CCDC171: variants seen among roughly 807,000 people sequenced by gnomAD.
CCDC171 encodes coiled-coil domain containing 171, also known as coiled-coil domain-containing protein 171.
CCDC171 carries 177 observed loss-of-function variants against 168.2 expected under a neutral mutation model. The ratio of observed to expected loss-of-function variants is 1.05; its 90% CI spans 0.93 to 1.19. CCDC171 has a LOEUF of 1.19. CCDC171 is among the 50% of genes most tolerant of loss of function. CCDC171 has a pLI of 0.00. For missense variants in CCDC171, 1,991 were observed against 1,539.0 expected (o/e 1.29, Z -4.91); for synonymous variants, 687 against 540.8 (o/e 1.27, Z -3.75).
intron 6 of CCDC171, among the ~76,000 whole-genome samples, chr9:15,622,514 A>G (rs1440059976): frequency 6.6e-6 from 1 of 152,206 alleles, no homozygotes; most frequent in Non-Finnish European, 1.5e-5. Flanking sequence ...TCCATGAATA[A>G]CATTACTGTG....
At chr9:15,834,322 C>T (rs1280070786) in intron 21 of CCDC171, among the ~76,000 whole-genome samples, 1 of 152,110 alleles carries the variant, frequency 6.6e-6, no homozygotes, top group Admixed American at 6.5e-5. Flanking sequence ...ATATTTCTAG[C>T]ATGATTAAGT....
chr9:15,830,429 A>T lies in CCDC171; in HGVS notation c.3268-16273A>T, dbSNP rs925808178. On this transcript the variant is annotated intron_variant, in intron 21 of 25. Coordinates refer to ENST00000380701, the MANE Select transcript of CCDC171 (RefSeq NM_173550.4). ...CTAACTTTTATGTTACTATATGCTTATTACGAGGAAAGCATATTAAGAAAC... is the reference window on the plus strand; with the variant it reads ...CTAACTTTTATGTTACTATATGCTTTTTACGAGGAAAGCATATTAAGAAAC... Among the ~76,000 whole-genome samples the T allele has an allele frequency of 5.9e-5, 9 of 152,354 alleles. No individual in the cohort carries two copies. The South Asian group carries it at 1.2e-3, about 21-fold the overall frequency.
At chr9:15,861,297 T>A (rs2061548718) in intron 23 of CCDC171, among the ~76,000 whole-genome samples, 1 of 151,722 alleles carries the variant, frequency 6.6e-6, no homozygotes, top group Admixed American at 6.6e-5. Context: ...AAGTTAAACC[T>A]ATTTACGTTT....
At chr9:15,901,859 T>C (rs1006146028) in intron 24 of CCDC171, among the ~76,000 whole-genome samples, 1 of 152,200 alleles carries the variant, frequency 6.6e-6, no homozygotes, top group African/African-American at 2.4e-5. Flanking sequence ...AGTGAATCTA[T>C]ATATTAAATT....
chr9:15,666,187 G>A lies in CCDC171; in HGVS notation c.940G>A (p.Ala314Thr), dbSNP rs1259229262. Reference protein sequence around the residue: ...IQLRIRDLEGALQVEKASQAE... With the variant: ...IQLRIRDLEGTLQVEKASQAE... Reference sequence around the variant, plus strand: ...GTTACGGATTCGAGACCTTGAAGGAGCTTTGCAAGTAGAGAAGGCCAGTCA... The same window carrying A: ...GTTACGGATTCGAGACCTTGAAGGAACTTTGCAAGTAGAGAAGGCCAGTCA... The change falls in exon 9 of 26, where the codon GCT becomes ACT. Residue 314 changes from alanine (A) to threonine (T), a missense_variant. Physicochemically the swap from Ala to Thr is moderately conservative, Grantham distance 58. Transcript: ENST00000380701. 6.8e-6 allele frequency: 11 copies of A among 1,613,732 alleles called. No individual in the cohort carries two copies. The highest frequency in any genetic ancestry group is 9.3e-6 in the Non-Finnish European group (11 of 1,179,900).
intron 21 of CCDC171, among the ~76,000 whole-genome samples, chr9:15,785,709 A>G (rs1381446143): frequency 6.6e-6 from 1 of 152,102 alleles, no homozygotes; most frequent in African/African-American, 2.4e-5. Flanking sequence ...GACATAACTT[A>G]CACATTTCTT....
In CCDC171 at chr9:15,846,874, A is replaced by G. The variant is rs139671988; in HGVS notation, c.3413+27A>G. On this transcript the variant is annotated intron_variant, in intron 22 of 25. Coordinates refer to ENST00000380701, the MANE Select transcript of CCDC171 (RefSeq NM_173550.4). ...TGAGCATTTGGACCTTGGGGAGATCACTTAAAACAGACAAAAGATCAATTC... is the reference window on the plus strand; with the variant it reads ...TGAGCATTTGGACCTTGGGGAGATCGCTTAAAACAGACAAAAGATCAATTC... The G allele has an allele frequency of 3.2e-5, 50 of 1,577,430 alleles. No individual in the cohort carries two copies. The African/African-American group carries it at 5.8e-4, about 18-fold the overall frequency.
At chr9:15,736,063 C>CT (rs1481768669) in intron 16 of CCDC171, among the ~76,000 whole-genome samples, 2 of 151,952 alleles carry the variant, frequency 1.3e-5, no homozygotes, top group African/African-American at 2.4e-5. Context: ...AGCGAGGAAT[C>CT]TGAGGTTCAG....
chr9:15,809,813 C>T (rs932255152), intron 21 of CCDC171, among the ~76,000 whole-genome samples: 10 of 152,306 alleles, frequency 6.6e-5, no homozygotes, highest in Admixed American at 2.0e-4. Context: ...AGGACCCGAA[C>T]GGGTTGCCAC....
intron 23 of CCDC171, among the ~76,000 whole-genome samples, chr9:15,849,718 A>G (rs1273401026): frequency 6.6e-6 from 1 of 151,812 alleles, no homozygotes; most frequent in Non-Finnish European, 1.5e-5. Flanking sequence ...TTAAAGATAC[A>G]TGGAATTTAT....
chr9:15,889,077 G>A (rs10962196), intron 24 of CCDC171: 1 of 145,880 alleles, frequency 6.9e-6, no homozygotes, highest in Non-Finnish European at 1.5e-5. Flanking sequence ...TCCTGCCTCA[G>A]CCTCCACAAT....
At chr9:15,861,043 A>G (rs1191251429) in intron 23 of CCDC171, among the ~76,000 whole-genome samples, 1 of 44,384 alleles carries the variant, frequency 2.3e-5, no homozygotes, top group Non-Finnish European at 4.3e-5. Flanking sequence ...CTCTCCTGAC[A>G]GTTTTTGGCT....
chr9:15,669,621 A>G (rs2048967264), intron 9 of CCDC171, among the ~76,000 whole-genome samples: 1 of 152,158 alleles, frequency 6.6e-6, no homozygotes, highest in Non-Finnish European at 1.5e-5. Flanking sequence ...ATTTTCAAAT[A>G]TAGTAAAGTC....
intron 13 of CCDC171, among the ~76,000 whole-genome samples, chr9:15,724,415 A>G (rs114667485): frequency 0.012 from 1,855 of 152,278 alleles, 42 homozygotes; most frequent in African/African-American, 0.041. Context: ...TGGAAAGTAA[A>G]TGTTCTTATG....
chr9:15,578,881 A>G lies in CCDC171; in HGVS notation c.210A>G (p.Leu70=). The G allele has an allele frequency of 1.2e-6, 2 of 1,610,850 alleles. No individual in the cohort carries two copies. The highest frequency in any genetic ancestry group is 1.3e-5 in the African/African-American group (1 of 74,948). The change falls in exon 4 of 26, where the codon CTA becomes CTG. Residue 70 remains leucine, a synonymous_variant. Coordinates refer to ENST00000380701, the MANE Select transcript of CCDC171 (RefSeq NM_173550.4). The stretch of plus-strand genomic sequence containing the variant: ...GCTATGAGAGCCAGATTGCCAAGCT[A>G]CGGTCCGAGGTTGAAAAGGGAGAAG... ...LASYESQIAK[L]RSEVEKGEAL...
At chr9:15,754,195 A>G (rs1052564736) in intron 18 of CCDC171, among the ~76,000 whole-genome samples, 6 of 152,194 alleles carry the variant, frequency 3.9e-5, no homozygotes, top group African/African-American at 1.2e-4. Flanking sequence ...TAGCATATGA[A>G]TAACCTAAAC....
intron 21 of CCDC171, among the ~76,000 whole-genome samples, chr9:15,843,482 C>T (rs776696186): frequency 2.0e-5 from 3 of 151,784 alleles, no homozygotes; most frequent in African/African-American, 4.8e-5. Context: ...AGTATTAAGA[C>T]CTGAGTACAA....
At chr9:16,077,466 C>A in the CCDC171 span, among the ~76,000 whole-genome samples, 7 of 152,130 alleles carry the variant, frequency 4.6e-5, no homozygotes, top group Admixed American at 4.6e-4. Context: ...CTTGGCCAAG[C>A]GAATCACTTC....
intron 25 of CCDC171, among the ~76,000 whole-genome samples, chr9:15,970,454 A>G (rs904658666): frequency 1.3e-5 from 2 of 152,128 alleles, no homozygotes; most frequent in African/African-American, 4.8e-5. Context: ...GATACTTATA[A>G]CCAGACTTGT....
Sources: allele counts gnomAD v4.1 joint callset (sites outside exome capture counted in the v4.1 genomes callset), GRCh38; gene constraint gnomAD v4.1.1; transcripts MANE v1.5; gene names NCBI Gene and HGNC (gene_info 2026-07-23, HGNC 2026-07-21).